LRRC27: variants seen among roughly 807,000 people sequenced by gnomAD.
The protein encoded by LRRC27 is leucine rich repeat containing 27.
In LRRC27, 57 loss-of-function variants were observed where a neutral mutation model predicts 55.0. The ratio of observed to expected loss-of-function variants is 1.04; its 90% CI spans 0.84 to 1.29. The LOEUF is 1.29. Ranked by LOEUF, LRRC27 falls within the 50% of genes most tolerant of loss-of-function variation. The probability of loss-of-function intolerance (pLI) is 0.00; values close to 1 mark genes in which losing one functional copy is unlikely to be tolerated. For missense variants in LRRC27, 721 were observed against 651.5 expected (o/e 1.11, Z -1.16); for synonymous variants, 278 against 251.9 (o/e 1.10, Z -0.98).
upstream of LRRC27, among the ~76,000 whole-genome samples, chr10:132,331,200 C>CAAAAAAAAAAAAAA (rs35734065): frequency 1.8e-5 from 1 of 56,332 alleles, no homozygotes; most frequent in African/African-American, 7.1e-5. Context: ...GACTCCACCT[C>CAAAAAAAAAAAAAA]AAAAAAAAAA....
intron 9 of LRRC27, among the ~76,000 whole-genome samples, chr10:132,364,109 G>A (rs932366836): frequency 3.3e-5 from 5 of 152,096 alleles, no homozygotes; most frequent in African/African-American, 9.6e-5. Flanking sequence ...AGTCTGAGGC[G>A]CTGACACAGG....
chr10:132,373,152 C>G (rs751787503), intron 10 of LRRC27, among the ~76,000 whole-genome samples: 1 of 152,100 alleles, frequency 6.6e-6, no homozygotes, highest in Non-Finnish European at 1.5e-5. Context: ...ACTCCCAAGG[C>G]AAAGTTTAAT....
At chr10:132,331,787 T>C (rs1333267777), upstream of LRRC27, 4 of 1,606,048 alleles carry the variant, frequency 2.5e-6, no homozygotes, top group Non-Finnish European at 1.7e-6. Flanking sequence ...CTCCAGACCC[T>C]CGCGGTCTCT....
intron 7 of LRRC27, 61 bp downstream of exon 7, chr10:132,351,814 G>T: frequency 6.5e-7 from 1 of 1,535,382 alleles, no homozygotes; most frequent in African/African-American, 1.4e-5. Context: ...ACTGGGACTG[G>T]GCTGTGATTT....
Position 132,364,345 on chromosome 10 carries a change from T to C in LRRC27, c.1290-1079T>C, listed in dbSNP as rs2068809261. On this transcript the variant is annotated intron_variant, in intron 9 of 10. Transcript: ENST00000368614. ...CCACACCCATGACCACACCCACACT[T>C]AATCTACCTCCACACCCGCGCTTAC... is the stretch of plus-strand genomic sequence containing the variant. 9.4e-3 allele frequency among the ~76,000 whole-genome samples: 14 copies of C among 1,492 alleles called. 6 individuals carry two copies. Among genetic ancestry groups the C allele is most frequent in the South Asian group, 0.042 (2 of 48 alleles). 1.0% of individuals were successfully genotyped at this position (1,492 alleles called of 152,430 possible).
Position 132,357,977 on chromosome 10 carries a change from C to A in LRRC27, c.1170+2091C>A, listed in dbSNP as rs982216250. Among the ~76,000 whole-genome samples the A allele has an allele frequency of 2.6e-5, 4 of 152,184 alleles. No individual in the cohort carries two copies. In the South Asian group the frequency reaches 6.2e-4, roughly 24 times the overall value. Reference sequence around the variant, plus strand: ...TGAGGCAGCTGAACGCATGGAGAGGCCTGCTGCTTCCCTGTGCCACCCTCT... The same window carrying A: ...TGAGGCAGCTGAACGCATGGAGAGGACTGCTGCTTCCCTGTGCCACCCTCT... On this transcript the variant is annotated intron_variant, in intron 8 of 10. Coordinates refer to ENST00000368614, the MANE Select transcript of LRRC27 (RefSeq NM_030626.3).
chr10:132,331,630 G>A (rs2066748192), upstream of LRRC27: 9 of 1,612,752 alleles, frequency 5.6e-6, no homozygotes, highest in Non-Finnish European at 7.6e-6. Context: ...CAGGCAGCGA[G>A]GACCGCTCCA....
At chr10:132,358,670 G>A (rs1305547357) in intron 8 of LRRC27, among the ~76,000 whole-genome samples, 31 of 80,602 alleles carry the variant, frequency 3.8e-4, no homozygotes, top group South Asian at 1.1e-3. Context: ...AGCCGAGGTG[G>A]TGGAGCAGTG....
intron 6 of LRRC27, among the ~76,000 whole-genome samples, chr10:132,349,691 G>A (rs528301518): frequency 6.6e-6 from 1 of 152,308 alleles, no homozygotes; most frequent in African/African-American, 2.4e-5. Flanking sequence ...TGTCAGATTT[G>A]GATACTAGAC....
chr10:132,337,234 C>CGA, intron 2 of LRRC27: 1 of 1,177,186 alleles, frequency 8.5e-7, no homozygotes, highest in Non-Finnish European at 1.1e-6. Context: ...GAGAAACGGC[C>CGA]GAGACACTGA....
chr10:132,331,279 G>A (rs190546831), upstream of LRRC27, among the ~76,000 whole-genome samples: 231 of 151,234 alleles, frequency 1.5e-3, 2 homozygotes, highest in African/African-American at 5.3e-3. Context: ...GTGTTTCTGG[G>A]TGGGACAGAG....
At chr10:132,368,372 A>G (rs1473018093) in intron 10 of LRRC27, among the ~76,000 whole-genome samples, 1 of 152,234 alleles carries the variant, frequency 6.6e-6, no homozygotes, top group African/African-American at 2.4e-5. Context: ...AGAATATCCA[A>G]CACAGTATTG....
rs150739123 is a variant in LRRC27 at position 132,334,679 on chromosome 10, A to T, written c.210+945A>T. 2.8e-3 allele frequency among the ~76,000 whole-genome samples: 424 copies of T among 152,286 alleles called. 2 individuals are homozygous for T. Among genetic ancestry groups the T allele is most frequent in the African/African-American group, 9.6e-3 (400 of 41,554 alleles). On this transcript the variant is annotated intron_variant, in intron 2 of 10. Coordinates refer to ENST00000368614, the MANE Select transcript of LRRC27 (RefSeq NM_030626.3). ...TGCTCTTTCTTTCCTTCATGCTGACATCTAGGGTGAGGCACTGGTCACAGG... is the reference window on the plus strand; with the variant it reads ...TGCTCTTTCTTTCCTTCATGCTGACTTCTAGGGTGAGGCACTGGTCACAGG...
At chr10:132,331,978 C>T (rs1379332842), upstream of LRRC27, 3 of 482,564 alleles carry the variant, frequency 6.2e-6, no homozygotes, top group East Asian at 1.1e-4. Context: ...CGCCCCCTCC[C>T]GGGCAGGCGC....
At position 132,364,472 on chromosome 10, in the gene LRRC27, T is replaced by C. The variant is rs61864517; in HGVS notation, c.1290-952T>C. Among the ~76,000 whole-genome samples the C allele has an allele frequency of 4.1e-3, 254 of 62,108 alleles. 9 individuals carry two copies. Among genetic ancestry groups the C allele is most frequent in the Middle Eastern group, 0.012 (1 of 86 alleles). The allele number at this position is 62,108 out of a possible 152,430, so 40.7% of individuals were successfully genotyped here. A position where few individuals can be genotyped will look rare whatever the true frequency, so the allele number is the denominator to read the frequency against. ...ACCCACACTCACACCCACCCACACT[T>C]ACACCCACCCACACTTACACCCACC... is the stretch of plus-strand genomic sequence containing the variant. On this transcript the variant is annotated intron_variant, in intron 9 of 10. Coordinates refer to ENST00000368614, the MANE Select transcript of LRRC27 (RefSeq NM_030626.3).
At chr10:132,352,733 GC>G in intron 7 of LRRC27, 1 of 766,574 alleles carries the variant, frequency 1.3e-6, no homozygotes, top group South Asian at 1.7e-5. Flanking sequence ...GCGTGCATGG[GC>G]TCCCTTGTTT....
At chr10:132,340,161 A>C (rs1029364643) in intron 3 of LRRC27, among the ~76,000 whole-genome samples, 4 of 152,212 alleles carry the variant, frequency 2.6e-5, no homozygotes, top group African/African-American at 9.7e-5. Flanking sequence ...GTCCAACTCA[A>C]CGTTTACGTT....
intron 8 of LRRC27, among the ~76,000 whole-genome samples, chr10:132,360,609 C>T (rs1013965393): frequency 2.0e-5 from 3 of 152,032 alleles, no homozygotes; most frequent in East Asian, 1.9e-4. Context: ...TTCTGGTTGC[C>T]GAACACTTTC....
intron 2 of LRRC27, among the ~76,000 whole-genome samples, chr10:132,334,161 C>T (rs1046474882): frequency 1.1e-4 from 17 of 152,196 alleles, no homozygotes; most frequent in African/African-American, 2.4e-4. Flanking sequence ...CGGGTCAGTC[C>T]GCAGTAGATG....
Sources: gnomAD v4.1 joint callset for allele counts (sites outside exome capture counted in the v4.1 genomes callset) on GRCh38, gnomAD v4.1.1 for gene constraint, MANE v1.5 for transcripts, NCBI Gene and HGNC (gene_info 2026-07-23, HGNC 2026-07-21) for gene names.